The following UGT1A6 variants were observed in gnomAD, a reference collection of about 807,000 sequenced individuals.
UGT1A6 encodes UDP-glucuronosyltransferase 1A6.
A neutral mutation model predicts 44.4 loss-of-function variants in UGT1A6; 32 were observed. That is an observed-to-expected ratio of 0.72 (90% confidence interval 0.54 to 0.97). UGT1A6 has a LOEUF of 0.97. Among genes scored for constraint, UGT1A6 ranks in the 50% least tolerant of loss-of-function variants. UGT1A6 has a pLI of 0.00. For synonymous variants in UGT1A6, 238 were observed against 248.5 expected, an observed-to-expected ratio of 0.96 and a Z score of 0.40; for missense variants, 685 against 661.9, an observed-to-expected ratio of 1.03 and a Z score of -0.38.
At position 233,693,251 on chromosome 2, in the gene UGT1A6, G is replaced by T. The variant is rs1429681788; in HGVS notation, c.247G>T (p.Asp83Tyr). The T allele has an allele frequency of 1.2e-6, 2 of 1,613,978 alleles. No homozygotes were observed. Among genetic ancestry groups the T allele is most frequent in the Non-Finnish European group, 1.7e-6 (2 of 1,180,028 alleles). The change falls in exon 1 of 5, where the codon GAC becomes TAC. Residue 83 changes from aspartate (D) to tyrosine (Y), a missense_variant. Asp to Tyr is a radical substitution (Grantham distance 160). Coordinates refer to ENST00000305139, the MANE Select transcript of UGT1A6 (RefSeq NM_001072.4). ...AAGAAAAATCTATCCAGTGCCGTAT[G>T]ACCAAGAAGAGCTGAAGAACCGTTA... ...YTRKIYPVPY[D>Y]QEELKNRYQS...
At chr2:233,703,469 A>G (rs371655525) in intron 1 of UGT1A6, among the ~76,000 whole-genome samples, 4 of 150,764 alleles carry the variant, frequency 2.7e-5, no homozygotes, top group African/African-American at 4.9e-5. Flanking sequence ...ATTCTTTATT[A>G]TTTTCTGCCT....
At position 233,700,867 on chromosome 2, in the gene UGT1A6, C is replaced by A. The variant is rs971203472; in HGVS notation, c.861+7002C>A. ...AGGTATATCTCCTAATGCTATCCCT[C>A]CCTCCTCCCCCCACCCCACAACAGT... is the stretch of plus-strand genomic sequence containing the variant. On this transcript the variant is annotated intron_variant, in intron 1 of 4. Coordinates refer to ENST00000305139, the MANE Select transcript of UGT1A6 (RefSeq NM_001072.4). Among the ~76,000 whole-genome samples, 16 of 151,914 alleles carry A rather than the reference C, an allele frequency of 1.1e-4. No individual in the cohort carries two copies. The East Asian group carries it at 2.7e-3, about 26-fold the overall frequency.
rs531889004 is a variant in UGT1A6 at position 233,731,047 on chromosome 2, T to C, written c.862-35987T>C. Among the ~76,000 whole-genome samples, 5 of 152,366 alleles carry C rather than the reference T, an allele frequency of 3.3e-5. No homozygotes were observed. In the East Asian group the frequency reaches 5.8e-4, roughly 18 times the overall value. On this transcript the variant is annotated intron_variant, in intron 1 of 4. Transcript: ENST00000305139. ...GCCTTTTTATGTCATATTCACCGAA[T>C]GTGTATGAACTTCCATGATTTAGAT...
intron 1 of UGT1A6, among the ~76,000 whole-genome samples, chr2:233,730,211 C>G (rs186476397): frequency 6.6e-6 from 1 of 152,112 alleles, no homozygotes; most frequent in East Asian, 1.9e-4. Flanking sequence ...GAAGTAGACA[C>G]GAATGTTTGT....
At position 233,692,979 on chromosome 2, in the gene UGT1A6, C is replaced by A; in HGVS notation, c.-26C>A. Reference sequence around the variant, plus strand: ...TTTGGAGAGTGAAAACTCTTTATTACCGTTGTTACTTTAACTCTTTCCAGG... The same window carrying A: ...TTTGGAGAGTGAAAACTCTTTATTAACGTTGTTACTTTAACTCTTTCCAGG... On this transcript the variant is annotated 5_prime_UTR_variant, in exon 1 of 5. Transcript: ENST00000305139. 6.2e-7 allele frequency: 1 copy of A among 1,612,842 alleles called. No homozygotes were observed. The highest frequency in any genetic ancestry group is 8.5e-7 in the Non-Finnish European group (1 of 1,179,576).
At position 233,706,233 on chromosome 2, in the gene UGT1A6, G is replaced by A. The variant is rs181883669; in HGVS notation, c.861+12368G>A. Among the ~76,000 whole-genome samples, 10 of 152,360 alleles carry A rather than the reference G, an allele frequency of 6.6e-5. No homozygotes were observed. In the East Asian group the frequency reaches 1.9e-3, roughly 29 times the overall value. On this transcript the variant is annotated intron_variant, in intron 1 of 4. Coordinates refer to ENST00000305139, the MANE Select transcript of UGT1A6 (RefSeq NM_001072.4). ...CCCAGGCAGGGGCAAATGTGCAGCT[G>A]GGAGAGTGAGAGAACCAGGGCAGCT...
chr2:233,759,167 C>A (rs1180599090), intron 1 of UGT1A6, among the ~76,000 whole-genome samples: 1 of 152,178 alleles, frequency 6.6e-6, no homozygotes, highest in African/African-American at 2.4e-5. Context: ...ACAAGGCAGG[C>A]AGGTTTCACG....
At chr2:233,692,661 G>A (rs922876632), upstream of UGT1A6, among the ~76,000 whole-genome samples, 2 of 152,176 alleles carry the variant, frequency 1.3e-5, no homozygotes, top group Admixed American at 6.5e-5. Flanking sequence ...CAGCAAGTTC[G>A]GGATAGAGAA....
At chr2:233,755,317 G>C (rs1457699650) in intron 1 of UGT1A6, 17 of 525,588 alleles carry the variant, frequency 3.2e-5, no homozygotes, top group Non-Finnish European at 5.3e-5. Context: ...CGAGCGGCAA[G>C]GCTGCCAGCA....
At chr2:233,713,191 T>C in intron 1 of UGT1A6, 1 of 1,614,204 alleles carries the variant, frequency 6.2e-7, no homozygotes, top group Non-Finnish European at 8.5e-7. Flanking sequence ...GAGGTGAATA[T>C]GTACATCAAA....
intron 1 of UGT1A6, among the ~76,000 whole-genome samples, chr2:233,763,690 T>C (rs1698373555): frequency 6.6e-6 from 1 of 152,190 alleles, no homozygotes; most frequent in African/African-American, 2.4e-5. Context: ...AAGATAAAAC[T>C]TTTATTGCAC....
Position 233,768,303 on chromosome 2 carries a change from A to C in UGT1A6, c.1165A>C (p.Met389Leu). The change falls in exon 4 of 5, where the codon ATG (methionine) becomes CTG (leucine). Residue 389 changes from methionine (M) to leucine (L), a missense_variant. Met to Leu is a conservative substitution (Grantham distance 15, BLOSUM62 2). Coordinates refer to ENST00000305139, the MANE Select transcript of UGT1A6 (RefSeq NM_001072.4). ...ESICNGVPMV[M>L]MPLFGDQMDN... ...CATATGCAATGGCGTTCCCATGGTG[A>C]TGATGCCCTTGTTTGGTGATCAGAT... 2 of 1,614,200 alleles carry C rather than the reference A, an allele frequency of 1.2e-6. No individual in the cohort carries two copies. Among genetic ancestry groups the C allele is most frequent in the Non-Finnish European group, 1.7e-6 (2 of 1,180,040 alleles).
intron 1 of UGT1A6, among the ~76,000 whole-genome samples, chr2:233,728,740 G>C (rs1227544555): frequency 1.3e-5 from 2 of 152,220 alleles, no homozygotes; most frequent in African/African-American, 2.4e-5. Flanking sequence ...CTGGGGGCTA[G>C]GGCAATGGTG....
intron 1 of UGT1A6, chr2:233,754,988 A>T (rs756949361): frequency 6.6e-5 from 86 of 1,295,924 alleles, no homozygotes; most frequent in Non-Finnish European, 8.9e-5. Context: ...CGGCGGGGTC[A>T]CGGAAGCTGA....
intron 1 of UGT1A6, chr2:233,743,281 T>C (rs1273336134): frequency 4.0e-6 from 2 of 496,058 alleles, no homozygotes; most frequent in East Asian, 1.4e-4. Flanking sequence ...CACCCTTTCT[T>C]GGCCATTCTC....
chr2:233,696,816 T>A (rs562285959), intron 1 of UGT1A6, among the ~76,000 whole-genome samples: 1 of 152,328 alleles, frequency 6.6e-6, no homozygotes, highest in Admixed American at 6.5e-5. Flanking sequence ...GCCAGTTTAT[T>A]GAGAGTGTGT....
rs34358487 is a variant in UGT1A6, at chr2:233,769,432, CAT to C, written c.1301+994_1301+995del. The C allele has an allele frequency of 1.6e-5, 25 of 1,545,990 alleles. No homozygotes were observed. In the East Asian group the frequency reaches 1.8e-4, roughly 11 times the overall value. ...GTGCGTTTGTGCATGTGGCTGTGCT[CAT>C]GTGTGGGTGCACACGTGTGCATTCA... On this transcript the variant is annotated intron_variant, in intron 4 of 4. Coordinates refer to ENST00000305139, the MANE Select transcript of UGT1A6 (RefSeq NM_001072.4). The surrounding 1 kb of genome is among the most constrained non-coding windows in gnomAD (Gnocchi z 4.4).
rs569949528 is a variant in UGT1A6, at chr2:233,742,141, C to T, written c.862-24893C>T. ...GGTCGTGGAGACCCTAACCCAGCAG[C>T]GCTAGACGAATTAAAGACACACACA... On this transcript the variant is annotated intron_variant, in intron 1 of 4. Transcript: ENST00000305139. 6.5e-4 allele frequency among the ~76,000 whole-genome samples: 99 copies of T among 151,946 alleles called. No homozygotes were observed. The South Asian group carries it at 0.02, about 31-fold the overall frequency.
intron 1 of UGT1A6, chr2:233,743,882 C>A: frequency 2.9e-6 from 4 of 1,367,088 alleles, no homozygotes; most frequent in Non-Finnish European, 3.9e-6. Flanking sequence ...TGAGGCCTGC[C>A]GGGGCACGTC....
Sources: allele counts gnomAD v4.1 joint callset (sites outside exome capture counted in the v4.1 genomes callset), GRCh38; gene constraint gnomAD v4.1.1; non-coding constraint Gnocchi (gnomAD v3.1); transcripts MANE v1.5; gene names NCBI Gene and HGNC (gene_info 2026-07-23, HGNC 2026-07-21).